The following CFAP299 variants were observed in gnomAD, a reference collection of about 807,000 sequenced individuals.
CFAP299 encodes cilia and flagella associated protein 299.
CFAP299 carries 21 observed loss-of-function variants against 27.0 expected under a neutral mutation model. That is an observed-to-expected ratio of 0.78 (90% confidence interval 0.55 to 1.12). The LOEUF is 1.12. CFAP299 is among the 50% of genes most tolerant of loss of function. CFAP299 has a pLI of 0.00. For synonymous variants in CFAP299, 104 were observed against 98.1 expected (o/e 1.06, Z -0.36); for missense variants, 310 against 276.6 (o/e 1.12, Z -0.86).
At chr4:80,435,089 A>G (rs1727999293) in intron 2 of CFAP299, among the ~76,000 whole-genome samples, 1 of 152,224 alleles carries the variant, frequency 6.6e-6, no homozygotes, top group African/African-American at 2.4e-5. Flanking sequence ...CACAGAGAGT[A>G]CTATAATTTG....
rs547632938 is a variant in CFAP299, at chr4:80,689,062, C to T, written c.333+105879C>T. Among the ~76,000 whole-genome samples, 4 of 152,314 alleles carry T rather than the reference C, an allele frequency of 2.6e-5. No individual in the cohort carries two copies. In the South Asian group the frequency reaches 8.3e-4, roughly 32 times the overall value. On this transcript the variant is annotated intron_variant, in intron 3 of 5. Coordinates refer to ENST00000358105, the MANE Select transcript of CFAP299 (RefSeq NM_152770.3). Reference sequence around the variant, plus strand: ...CTATGTGAAAAGACCAAATATACGTCTGATTGGTGTACCTGAAAGTGACGG... The same window carrying T: ...CTATGTGAAAAGACCAAATATACGTTTGATTGGTGTACCTGAAAGTGACGG...
At chr4:80,771,112 C>T (rs1302754982) in intron 3 of CFAP299, among the ~76,000 whole-genome samples, 6 of 152,084 alleles carry the variant, frequency 3.9e-5, no homozygotes, top group East Asian at 3.9e-4. Flanking sequence ...GGGAGTCATG[C>T]GGGCCGTTTG....
intron 3 of CFAP299, among the ~76,000 whole-genome samples, chr4:80,584,877 C>T (rs114977006): frequency 0.012 from 1,873 of 152,044 alleles, 38 homozygotes; most frequent in African/African-American, 0.042. Context: ...GCTTATGGAG[C>T]TTACAGTTGT....
chr4:80,477,817 CA>C (rs1238988649), intron 2 of CFAP299, among the ~76,000 whole-genome samples: 1 of 152,168 alleles, frequency 6.6e-6, no homozygotes, highest in East Asian at 1.9e-4. Context: ...CAGACATTAT[CA>C]ACTTACTTGC....
chr4:80,884,005 T>C (rs1255457826), intron 4 of CFAP299, among the ~76,000 whole-genome samples: 1 of 152,182 alleles, frequency 6.6e-6, no homozygotes, highest in Non-Finnish European at 1.5e-5. Flanking sequence ...TTTCTGATCC[T>C]CTCCCTTTTC....
chr4:80,385,080 C>CTAT (rs1724900628), intron 2 of CFAP299, among the ~76,000 whole-genome samples: 1 of 152,090 alleles, frequency 6.6e-6, no homozygotes, highest in African/African-American at 2.4e-5. Flanking sequence ...TCTCACATCC[C>CTAT]TATTATTGTT....
chr4:80,551,013 C>T (rs1734487512), intron 2 of CFAP299, among the ~76,000 whole-genome samples: 1 of 152,096 alleles, frequency 6.6e-6, no homozygotes, highest in African/African-American at 2.4e-5. Context: ...GGCCATGCTG[C>T]TGGTAGCTCA....
chr4:80,444,655 C>A (rs1197412255), intron 2 of CFAP299, among the ~76,000 whole-genome samples: 1 of 152,074 alleles, frequency 6.6e-6, no homozygotes, highest in African/African-American at 2.4e-5. Flanking sequence ...AAAGTAATTG[C>A]AACAAAAGCC....
chr4:80,877,269 G>T (rs1046943546), intron 4 of CFAP299, among the ~76,000 whole-genome samples: 3 of 151,960 alleles, frequency 2.0e-5, no homozygotes, highest in African/African-American at 7.3e-5. Context: ...ACTCATTTTA[G>T]CTTCTCTTTA....
At chr4:80,535,571 T>G in intron 2 of CFAP299, among the ~76,000 whole-genome samples, 1 of 146,136 alleles carries the variant, frequency 6.8e-6, no homozygotes, top group East Asian at 2.0e-4. Flanking sequence ...TCTGGATGGA[T>G]AAATAAACAG....
intron 1 of CFAP299, among the ~76,000 whole-genome samples, chr4:80,342,085 T>A (rs1429134931): frequency 6.6e-6 from 1 of 152,182 alleles, no homozygotes; most frequent in Non-Finnish European, 1.5e-5. Flanking sequence ...GAAGACCATC[T>A]TTCTGAAAGA....
intron 4 of CFAP299, among the ~76,000 whole-genome samples, chr4:80,880,945 G>T (rs1350944962): frequency 1.3e-5 from 2 of 152,108 alleles, no homozygotes; most frequent in African/African-American, 2.4e-5. Context: ...CCTTCTTGCA[G>T]CTGGATTCTT....
At chr4:80,546,983 C>T (rs754063845) in intron 2 of CFAP299, among the ~76,000 whole-genome samples, 3 of 151,980 alleles carry the variant, frequency 2.0e-5, no homozygotes, top group Admixed American at 2.0e-4. Context: ...CAATGCTATT[C>T]CAGTCAAACT....
chr4:80,774,426 T>C (rs1465979744), intron 3 of CFAP299, among the ~76,000 whole-genome samples: 1 of 151,960 alleles, frequency 6.6e-6, no homozygotes, highest in Admixed American at 6.6e-5. Context: ...ATGTATCAAT[T>C]TATATTTTTT....
chr4:80,912,385 G>A (rs944012030), intron 4 of CFAP299, among the ~76,000 whole-genome samples: 6 of 152,070 alleles, frequency 3.9e-5, no homozygotes, highest in Admixed American at 2.0e-4. Flanking sequence ...AGAAAGGTTC[G>A]TCCCTATTCT....
At chr4:80,469,576 G>T (rs1396212399) in intron 2 of CFAP299, among the ~76,000 whole-genome samples, 1 of 152,132 alleles carries the variant, frequency 6.6e-6, no homozygotes, top group Admixed American at 6.6e-5. Flanking sequence ...AAGGATGCCA[G>T]GTTGGGATAC....
At chr4:80,455,378 A>G (rs1729093141) in intron 2 of CFAP299, among the ~76,000 whole-genome samples, 1 of 152,202 alleles carries the variant, frequency 6.6e-6, no homozygotes, top group Non-Finnish European at 1.5e-5. Context: ...ATTTTAGTCA[A>G]GGCAGTTTCA....
chr4:80,414,607 A>G (rs1726908809), intron 2 of CFAP299, among the ~76,000 whole-genome samples: 1 of 152,164 alleles, frequency 6.6e-6, no homozygotes, highest in Non-Finnish European at 1.5e-5. Flanking sequence ...TATTTTTGCA[A>G]ATGAAATCTC....
rs1735314904 is a variant in CFAP299, at chr4:80,908,820, G to T, written c.477-35990G>T. Among the ~76,000 whole-genome samples the T allele has an allele frequency of 2.0e-5, 3 of 152,166 alleles. No individual in the cohort carries two copies. The South Asian group carries it at 6.2e-4, about 32-fold the overall frequency. ...GTTCTCTCATCACCACCTTACTGTT[G>T]TGCTTGATGTATACCTAAAACACAA... On this transcript the variant is annotated intron_variant, in intron 4 of 5. Transcript: ENST00000358105.
Sources: allele counts gnomAD v4.1 joint callset (sites outside exome capture counted in the v4.1 genomes callset), GRCh38; gene constraint gnomAD v4.1.1; transcripts MANE v1.5; gene names NCBI Gene and HGNC (gene_info 2026-07-23, HGNC 2026-07-21).